Variants in SNX10 observed in about 807,000 individuals in gnomAD.
SNX10 encodes sorting nexin-10.
A neutral mutation model predicts 28.5 loss-of-function variants in SNX10; 25 were observed. That is an observed-to-expected ratio of 0.88 (90% confidence interval 0.64 to 1.22). The LOEUF (loss-of-function observed/expected upper bound fraction) is 1.22, where lower values mean the gene tolerates loss of function less well. Among genes scored for constraint, SNX10 ranks in the 50% most tolerant of loss-of-function variants. SNX10 has a pLI of 0.00. For synonymous variants in SNX10, 62 were observed against 81.4 expected, an observed-to-expected ratio of 0.76 and a Z score of 1.28; for missense variants, 223 against 242.6, an observed-to-expected ratio of 0.92 and a Z score of 0.54.
rs1347410833 is a variant in SNX10, at chr7:26,372,034, G to T, written c.524+1G>T. The T allele has an allele frequency of 3.8e-6, 6 of 1,576,384 alleles. No individual in the cohort carries two copies. Among genetic ancestry groups the T allele is most frequent in the Non-Finnish European group, 5.2e-6 (6 of 1,148,300 alleles). On this transcript the variant is annotated splice_donor_variant, in intron 6 of 6. Transcript: ENST00000338523. LOFTEE classifies it high-confidence loss of function. ...ATGATATAGATTATGATTCAGAAAG[G>T]TATTTCCTTGCATTTTGATTTAATG...
chr7:26,330,524 T>C (rs1204446797), intron 1 of SNX10, among the ~76,000 whole-genome samples: 1 of 151,778 alleles, frequency 6.6e-6, no homozygotes, highest in Non-Finnish European at 1.5e-5. Flanking sequence ...TGGGTGTGAA[T>C]TGGGGCATTT....
At chr7:26,321,191 G>T (rs897963947) in intron 1 of SNX10, among the ~76,000 whole-genome samples, 1 of 152,218 alleles carries the variant, frequency 6.6e-6, no homozygotes, top group African/African-American at 2.4e-5. Flanking sequence ...CATAAGGTAG[G>T]CCGAGTAGCA....
intron 1 of SNX10, among the ~76,000 whole-genome samples, chr7:26,318,423 GA>G: frequency 6.6e-6 from 1 of 151,958 alleles, no homozygotes; most frequent in Non-Finnish European, 1.5e-5. Flanking sequence ...ATATTTTGAA[GA>G]AAAAAGTACC....
intron 3 of SNX10, among the ~76,000 whole-genome samples, chr7:26,361,809 C>T (rs903786434): frequency 1.3e-5 from 2 of 152,190 alleles, no homozygotes; most frequent in Non-Finnish European, 2.9e-5. Context: ...ACTTTATGTG[C>T]AAAGACAGGT....
chr7:26,325,319 A>ATATATATATATATATATATATATATATT (rs1174472770), intron 1 of SNX10, among the ~76,000 whole-genome samples: 2 of 114,830 alleles, frequency 1.7e-5, no homozygotes, highest in East Asian at 4.2e-4. Context: ...ATATATATAT[A>ATATATATATATATATATATATATATATT]TATATATATT....
At chr7:26,323,513 AAC>A (rs1486330493) in intron 1 of SNX10, among the ~76,000 whole-genome samples, 1 of 152,136 alleles carries the variant, frequency 6.6e-6, no homozygotes, top group African/African-American at 2.4e-5. Context: ...GAGGCAGCGG[AAC>A]ACAGAGGAGA....
intron 1 of SNX10, among the ~76,000 whole-genome samples, chr7:26,340,572 C>T (rs1344645064): frequency 6.6e-6 from 1 of 152,190 alleles, no homozygotes; most frequent in Non-Finnish European, 1.5e-5. Context: ...TTGGGCAGAT[C>T]TGTGTACCAT....
intron 2 of SNX10, among the ~76,000 whole-genome samples, chr7:26,353,467 G>GGA (rs1476592557): frequency 2.8e-5 from 4 of 142,920 alleles, no homozygotes; most frequent in Non-Finnish European, 6.1e-5. Flanking sequence ...TTTTGGTGGG[G>GGA]AGACAGAGTC....
chr7:26,352,687 T>C (rs565473672), intron 2 of SNX10, among the ~76,000 whole-genome samples: 8 of 152,102 alleles, frequency 5.3e-5, no homozygotes, highest in Non-Finnish European at 1.0e-4. Flanking sequence ...CATAATCACA[T>C]GTTAAATAAT....
At chr7:26,329,442 G>T (rs1787639000) in intron 1 of SNX10, among the ~76,000 whole-genome samples, 1 of 152,196 alleles carries the variant, frequency 6.6e-6, no homozygotes, top group African/African-American at 2.4e-5. Flanking sequence ...AGTCCTGGTA[G>T]TCACTCTCAA....
intron 1 of SNX10, among the ~76,000 whole-genome samples, chr7:26,305,305 A>G (rs1194156766): frequency 6.6e-6 from 1 of 152,234 alleles, no homozygotes; most frequent in Non-Finnish European, 1.5e-5. Context: ...GTCAAAGTAC[A>G]GGGCAGAACA....
At chr7:26,345,808 G>A (rs189849404) in intron 1 of SNX10, among the ~76,000 whole-genome samples, 1 of 152,206 alleles carries the variant, frequency 6.6e-6, no homozygotes, top group Admixed American at 6.5e-5. Context: ...AATCTAATGA[G>A]CTTACATACC....
intron 1 of SNX10, among the ~76,000 whole-genome samples, chr7:26,338,986 C>G (rs190610184): frequency 2.0e-5 from 3 of 152,154 alleles, no homozygotes; most frequent in Non-Finnish European, 4.4e-5. Flanking sequence ...AAGGTTCAGA[C>G]CCTTGGAGCC....
chr7:26,324,065 C>T (rs1208268616), intron 1 of SNX10, among the ~76,000 whole-genome samples: 1 of 152,108 alleles, frequency 6.6e-6, no homozygotes, highest in African/African-American at 2.4e-5. Context: ...TATACTGGTC[C>T]TATAGGTACC....
At chr7:26,310,710 C>A (rs1786793934) in intron 1 of SNX10, among the ~76,000 whole-genome samples, 1 of 149,238 alleles carries the variant, frequency 6.7e-6, no homozygotes, top group Non-Finnish European at 1.5e-5. Context: ...GAGACAGAGT[C>A]TCGCTCTGTC....
intron 2 of SNX10, among the ~76,000 whole-genome samples, chr7:26,358,399 T>C (rs776928864): frequency 2.9e-4 from 44 of 152,056 alleles, no homozygotes; most frequent in Non-Finnish European, 8.8e-5. Flanking sequence ...TTTTAAGAAA[T>C]GATGGTTGTC....
chr7:26,328,864 T>G (rs1480076253), intron 1 of SNX10, among the ~76,000 whole-genome samples: 1 of 152,106 alleles, frequency 6.6e-6, no homozygotes, highest in Non-Finnish European at 1.5e-5. Flanking sequence ...ATGGTTCCTC[T>G]CTCCTTATAG....
At chr7:26,331,308 G>A (rs904104914) in intron 1 of SNX10, among the ~76,000 whole-genome samples, 14 of 152,162 alleles carry the variant, frequency 9.2e-5, no homozygotes, top group Admixed American at 7.2e-4. Flanking sequence ...CATACAGGCC[G>A]GGCGTGGTGG....
In SNX10 at chr7:26,374,167, T is replaced by C. The variant is rs1343769789; in HGVS notation, c.*1595T>C. On this transcript the variant is annotated 3_prime_UTR_variant, in exon 7 of 7. Transcript: ENST00000338523. ...CAATATGTATTTGAGTTCACACTAT[T>C]TCTGTTTTACAGCAGTTTTGAAAAA... 1 of 152,062 alleles carries C rather than the reference T, an allele frequency of 6.6e-6. No homozygotes were observed. Among genetic ancestry groups the C allele is most frequent in the African/African-American group, 2.4e-5 (1 of 41,452 alleles). 9.4% of individuals were successfully genotyped at this position (152,062 alleles called of 1,614,324 possible).
Sources: allele counts gnomAD v4.1 joint callset (sites outside exome capture counted in the v4.1 genomes callset), GRCh38; gene constraint gnomAD v4.1.1; transcripts MANE v1.5; gene names NCBI Gene and HGNC (gene_info 2026-07-23, HGNC 2026-07-21).